The following VMA22 variants were observed in gnomAD, a reference collection of about 807,000 sequenced individuals.
The protein encoded by VMA22 is vacuolar ATPase assembly protein VMA22.
the VMA22 span, chr2:130,341,784 G>C: frequency 6.3e-7 from 1 of 1,599,776 alleles, no homozygotes. Flanking sequence ...AGCTTTGGCA[G>C]CCCGGGCCTA....
At chr2:130,341,345 A>T in the VMA22 span, 8 of 537,102 alleles carry the variant, frequency 1.5e-5, no homozygotes, top group South Asian at 1.6e-4. Context: ...AGACGTTCCA[A>T]CTCCCCATTC....
At chr2:130,342,013 ACCTC>A in the VMA22 span, 1 of 1,613,118 alleles carries the variant, frequency 6.2e-7, no homozygotes, top group Non-Finnish European at 8.5e-7. Context: ...CCAGGCGCCT[ACCTC>A]CTCCACCCGG....
the VMA22 span, chr2:130,341,053 G>T: frequency 6.3e-7 from 1 of 1,585,754 alleles, no homozygotes; most frequent in Non-Finnish European, 8.6e-7. Context: ...AGGAAAGAAA[G>T]GTTGGAGGAG....
At chr2:130,342,647 G>C in the VMA22 span, 1 of 493,004 alleles carries the variant, frequency 2.0e-6, no homozygotes, top group East Asian at 3.1e-5. Flanking sequence ...GGGAGGACGA[G>C]GATGGAGAAG....
At chr2:130,341,446 AATGT>A in the VMA22 span, 11 of 573,654 alleles carry the variant, frequency 1.9e-5, no homozygotes, top group Non-Finnish European at 3.1e-5. Context: ...AGCTGACTGA[AATGT>A]ATGTGATTGT....
At chr2:130,342,242 A>G in the VMA22 span, 195 of 1,545,910 alleles carry the variant, frequency 1.3e-4, no homozygotes, top group East Asian at 4.5e-3. Flanking sequence ...GGGGATCCCC[A>G]CGCCGGCAGC....
chr2:130,341,185 T>C, the VMA22 span: 1 of 913,918 alleles, frequency 1.1e-6, no homozygotes, highest in African/African-American at 1.7e-5. Flanking sequence ...AGGAAACAGC[T>C]TACCACAAAA....
At chr2:130,341,986 G>A in the VMA22 span, 2 of 1,613,124 alleles carry the variant, frequency 1.2e-6, no homozygotes, top group South Asian at 1.1e-5. Flanking sequence ...TTACGCCCGT[G>A]TACCCTCCTG....
At chr2:130,342,529 A>T in the VMA22 span, 9 of 461,356 alleles carry the variant, frequency 2.0e-5, no homozygotes, top group Non-Finnish European at 3.5e-5. Context: ...CCGGCAAGCA[A>T]CCTTCAGTCG....
the VMA22 span, chr2:130,339,053 A>C: frequency 8.4e-7 from 1 of 1,194,626 alleles, no homozygotes; most frequent in African/African-American, 1.5e-5. Context: ...TGAAGGAAGA[A>C]GGCCTGAGAT....
chr2:130,340,753 T>G, the VMA22 span: 2 of 859,146 alleles, frequency 2.3e-6, no homozygotes, highest in Non-Finnish European at 3.7e-6. Flanking sequence ...AGTAAATGCT[T>G]TTGGAAAAAA....
chr2:130,340,993 G>A, the VMA22 span: 2 of 1,613,170 alleles, frequency 1.2e-6, no homozygotes, highest in African/African-American at 1.3e-5. Flanking sequence ...GGGCCTCAGA[G>A]GACTCCGGTT....
the VMA22 span, chr2:130,339,452 G>A: frequency 1.1e-5 from 16 of 1,410,256 alleles, no homozygotes; most frequent in Non-Finnish European, 1.3e-5. Flanking sequence ...TAGACTTCCT[G>A]GACCCATTAT....
chr2:130,341,418 G>A, the VMA22 span: 2 of 564,836 alleles, frequency 3.5e-6, no homozygotes, highest in African/African-American at 3.8e-5. Flanking sequence ...TAGACACACA[G>A]ATAAATATTT....
the VMA22 span, chr2:130,339,687 T>C: frequency 7.7e-7 from 1 of 1,304,376 alleles, no homozygotes; most frequent in Non-Finnish European, 1.0e-6. Context: ...TTCGGCCTCC[T>C]GTTCAGCAGC....
At chr2:130,340,917 A>G in the VMA22 span, 1 of 1,614,104 alleles carries the variant, frequency 6.2e-7, no homozygotes, top group Non-Finnish European at 8.5e-7. Flanking sequence ...CCATCCCGGA[A>G]GCTTGCTTGA....
At chr2:130,339,796 C>T in the VMA22 span, 2 of 1,300,604 alleles carry the variant, frequency 1.5e-6, no homozygotes, top group South Asian at 1.2e-5. Context: ...GTTTCCTTGA[C>T]TGGCTTCTCC....
At chr2:130,341,889 G>C in the VMA22 span, 2 of 1,611,854 alleles carry the variant, frequency 1.2e-6, no homozygotes, top group South Asian at 1.1e-5. Context: ...ATACTGCAGG[G>C]GCCCTACCGA....
chr2:130,338,748 T>G, the VMA22 span: 1 of 195,618 alleles, frequency 5.1e-6, no homozygotes, highest in South Asian at 8.9e-5. Flanking sequence ...TTGGAGGATG[T>G]ACTAAGCATG....
Sources: gnomAD v4.1 joint callset for allele counts on GRCh38, gnomAD v4.1.1 for gene constraint, MANE v1.5 for transcripts, NCBI Gene and HGNC (gene_info 2026-07-23, HGNC 2026-07-21) for gene names.